P4HA1: variants seen among roughly 807,000 people sequenced by gnomAD.
The protein encoded by P4HA1 is prolyl 4-hydroxylase subunit alpha 1.
A neutral mutation model predicts 72.8 loss-of-function variants in P4HA1; 24 were observed. The observed-to-expected ratio is 0.33, with a 90% CI of 0.24 to 0.46. The LOEUF (loss-of-function observed/expected upper bound fraction) is 0.46, where lower values mean the gene tolerates loss of function less well. Among genes scored for constraint, P4HA1 ranks in the 20% least tolerant of loss-of-function variants. The probability of loss-of-function intolerance (pLI) is 1.00; values close to 1 mark genes in which losing one functional copy is unlikely to be tolerated. For missense variants in P4HA1, 446 were observed against 640.6 expected, an observed-to-expected ratio of 0.70 and a Z score of 3.28; for synonymous variants, 201 against 218.8, an observed-to-expected ratio of 0.92 and a Z score of 0.72.
intron 6 of P4HA1, among the ~76,000 whole-genome samples, chr10:73,052,057 T>A (rs774950878): frequency 1.2e-4 from 18 of 151,840 alleles, no homozygotes; most frequent in Non-Finnish European, 2.2e-4. Flanking sequence ...AATTTCTAAG[T>A]AAGAAGGAAA....
At chr10:73,083,842 CAAT>C (rs1841872050) in intron 1 of P4HA1, among the ~76,000 whole-genome samples, 4 of 151,928 alleles carry the variant, frequency 2.6e-5, no homozygotes, top group South Asian at 2.1e-4. Flanking sequence ...AAATTTAATA[CAAT>C]AATTAAAAGA....
chr10:73,037,551 ATATATATATATATATATATAT>A lies in P4HA1; in HGVS notation c.1149-7202_1149-7182del, dbSNP rs1372022034. ...TATATATATATATATATATATATAT[ATATATATATATATATATATAT>A]TTTTTTTTTTTTTTTTTTACAAAGG... On this transcript the variant is annotated intron_variant, in intron 9 of 14. Transcript: ENST00000394890. 8.8e-4 allele frequency among the ~76,000 whole-genome samples: 27 copies of A among 30,586 alleles called. 1 individual carries two copies. The highest frequency in any genetic ancestry group is 2.3e-3 in the Admixed American group (5 of 2,128). 20.1% of individuals were successfully genotyped at this position (30,586 alleles called of 152,430 possible). A position where few individuals can be genotyped will look rare whatever the true frequency, so the allele number is the denominator to read the frequency against.
chr10:73,062,480 A>G (rs1841334312), intron 5 of P4HA1, among the ~76,000 whole-genome samples: 1 of 152,156 alleles, frequency 6.6e-6, no homozygotes, highest in Non-Finnish European at 1.5e-5. Flanking sequence ...GACTAAGTCA[A>G]TATTATACTA....
At chr10:73,010,929 G>GA (rs2133028830) in intron 13 of P4HA1, 40 bp downstream of exon 13, 3 of 1,476,336 alleles carry the variant, frequency 2.0e-6, no homozygotes, top group Non-Finnish European at 1.9e-6. Context: ...CTTCCTTAGG[G>GA]AAAAAATTAA....
intron 10 of P4HA1, among the ~76,000 whole-genome samples, chr10:73,024,897 T>C (rs1431293554): frequency 6.6e-6 from 1 of 152,008 alleles, no homozygotes; most frequent in Non-Finnish European, 1.5e-5. Context: ...CTAGAAGAAA[T>C]GGATAAATTC....
chr10:73,063,958 G>C (rs780173797), intron 5 of P4HA1, among the ~76,000 whole-genome samples: 1 of 150,116 alleles, frequency 6.7e-6, no homozygotes, highest in Non-Finnish European at 1.5e-5. Flanking sequence ...AGAAGAAAAT[G>C]AAATAAGGAA....
Position 73,050,713 on chromosome 10 carries a change from A to AG in P4HA1, c.900+339_900+340insC, listed in dbSNP as rs1304317365. On this transcript the variant is annotated intron_variant, in intron 7 of 14. Coordinates refer to ENST00000394890, the MANE Select transcript of P4HA1 (RefSeq NM_001017962.3). ...AGACTCCATCTCAAAAAAAAAAAAA[A>AG]AAGTTTTTTAGAGACAGGGTCTTAT... Among the ~76,000 whole-genome samples the AG allele has an allele frequency of 1.9e-4, 29 of 151,876 alleles. No homozygotes were observed. The East Asian group carries it at 2.5e-3, about 13-fold the overall frequency.
intron 7 of P4HA1, among the ~76,000 whole-genome samples, chr10:73,049,122 A>AG (rs1840949225): frequency 6.7e-6 from 1 of 148,614 alleles, no homozygotes; most frequent in African/African-American, 2.6e-5. Flanking sequence ...GTCTCAGAGA[A>AG]AAAAAAAAGA....
At chr10:73,040,556 A>C (rs185894733) in intron 9 of P4HA1, among the ~76,000 whole-genome samples, 47 of 151,108 alleles carry the variant, frequency 3.1e-4, no homozygotes, top group African/African-American at 1.0e-3. Flanking sequence ...GCTCACTGCA[A>C]TCTCTACCTC....
At chr10:73,059,193 G>C (rs1564631406) in intron 5 of P4HA1, among the ~76,000 whole-genome samples, 1 of 151,854 alleles carries the variant, frequency 6.6e-6, no homozygotes, top group Non-Finnish European at 1.5e-5. Context: ...GAAAAAGGAA[G>C]GGAATAGGTT....
intron 9 of P4HA1, among the ~76,000 whole-genome samples, chr10:73,034,782 T>C (rs1398679763): frequency 1.3e-5 from 2 of 151,950 alleles, no homozygotes; most frequent in African/African-American, 4.8e-5. Flanking sequence ...GGTTTCATCA[T>C]GGTGACCAGG....
chr10:73,026,554 T>A (rs1840274132), intron 10 of P4HA1, among the ~76,000 whole-genome samples: 1 of 152,140 alleles, frequency 6.6e-6, no homozygotes, highest in Admixed American at 6.5e-5. Flanking sequence ...GGGCAAGGAC[T>A]TCATGACTAA....
intron 10 of P4HA1, among the ~76,000 whole-genome samples, chr10:73,024,274 G>C (rs943165329): frequency 6.6e-6 from 1 of 152,092 alleles, no homozygotes; most frequent in Non-Finnish European, 1.5e-5. Flanking sequence ...TAAAAGAACA[G>C]AAATCACAAC....
chr10:73,040,476 A>ATTT (rs1217054869), intron 9 of P4HA1, among the ~76,000 whole-genome samples: 26 of 123,580 alleles, frequency 2.1e-4, no homozygotes, highest in African/African-American at 7.7e-4. Context: ...GAATTCATGA[A>ATTT]TTTTTTTTTT....
chr10:73,050,034 C>T (rs1302786868), intron 7 of P4HA1, among the ~76,000 whole-genome samples: 2 of 152,010 alleles, frequency 1.3e-5, no homozygotes, highest in South Asian at 2.1e-4. Flanking sequence ...GGCATGGTGG[C>T]GAATGCCTGT....
At chr10:73,072,319 C>A in intron 3 of P4HA1, 139 bp from the exon 4 acceptor site, 1 of 608,868 alleles carries the variant, frequency 1.6e-6, no homozygotes, top group South Asian at 2.3e-5. Context: ...TAAAAGTATA[C>A]GGTCTCGGTC....
At chr10:73,070,999 T>A (rs187249749) in intron 4 of P4HA1, among the ~76,000 whole-genome samples, 2 of 151,892 alleles carry the variant, frequency 1.3e-5, no homozygotes, top group Non-Finnish European at 2.9e-5. Flanking sequence ...CTGGGCAACA[T>A]AGCAAGACCT....
Position 73,073,835 on chromosome 10 carries a change from G to A in P4HA1, c.77-8C>T. 1 of 1,352,366 alleles carries A rather than the reference G, an allele frequency of 7.4e-7. No homozygotes were observed. Among genetic ancestry groups the A allele is most frequent in the Non-Finnish European group, 1.1e-6 (1 of 942,968 alleles). 83.8% of individuals were successfully genotyped at this position (1,352,366 alleles called of 1,614,324 possible). A position where few individuals can be genotyped will look rare whatever the true frequency, so the allele number is the denominator to read the frequency against. ...TCAAATCAGTCATCTGACCTAGAAGGGGAAGAAGGTTATCAAATACTCATA... is the reference window on the plus strand; with the variant it reads ...TCAAATCAGTCATCTGACCTAGAAGAGGAAGAAGGTTATCAAATACTCATA... On this transcript the variant is annotated splice_polypyrimidine_tract_variant and splice_region_variant and intron_variant, in intron 2 of 14. Coordinates refer to ENST00000394890, the MANE Select transcript of P4HA1 (RefSeq NM_001017962.3).
intron 8 of P4HA1, among the ~76,000 whole-genome samples, chr10:73,045,317 G>A (rs1840830629): frequency 1.3e-5 from 2 of 151,276 alleles, no homozygotes; most frequent in Admixed American, 1.3e-4. Context: ...TTTCAATGGT[G>A]AAAGGACATG....
Sources: gnomAD v4.1 joint callset for allele counts (sites outside exome capture counted in the v4.1 genomes callset) on GRCh38, gnomAD v4.1.1 for gene constraint, MANE v1.5 for transcripts, NCBI Gene and HGNC (gene_info 2026-07-23, HGNC 2026-07-21) for gene names.